Variants in NDUFAF2 observed in about 807,000 individuals in gnomAD.
NDUFAF2 encodes NADH dehydrogenase [ubiquinone] 1 alpha subcomplex assembly factor 2.
Under a neutral mutation model 22.8 loss-of-function variants are expected in NDUFAF2, and 13 were observed. The ratio of observed to expected loss-of-function variants is 0.57; its 90% CI spans 0.37 to 0.91. The LOEUF is 0.91. Ranked by LOEUF, NDUFAF2 falls within the 40% of genes least tolerant of loss-of-function variation. NDUFAF2 has a pLI of 0.01. For synonymous variants in NDUFAF2, 53 were observed against 64.2 expected, an observed-to-expected ratio of 0.83 and a Z score of 0.84; for missense variants, 162 against 195.2, an observed-to-expected ratio of 0.83 and a Z score of 1.01.
intron 1 of NDUFAF2, among the ~76,000 whole-genome samples, chr5:60,946,877 A>G (rs1750467203): frequency 6.6e-6 from 1 of 152,178 alleles, no homozygotes; most frequent in Admixed American, 6.5e-5. Flanking sequence ...TATCATATAA[A>G]TGGAATTATA....
intron 1 of NDUFAF2, among the ~76,000 whole-genome samples, chr5:61,001,555 C>T (rs1440097940): frequency 6.6e-6 from 1 of 152,072 alleles, no homozygotes; most frequent in Non-Finnish European, 1.5e-5. Flanking sequence ...CTTTAAGATA[C>T]TGAATCCTTA....
At chr5:61,136,543 T>C (rs1355246920) in intron 3 of NDUFAF2, among the ~76,000 whole-genome samples, 1 of 152,156 alleles carries the variant, frequency 6.6e-6, no homozygotes, top group Non-Finnish European at 1.5e-5. Context: ...GTTAACTGCC[T>C]CCCGTCTTGA....
intron 1 of NDUFAF2, among the ~76,000 whole-genome samples, chr5:60,965,598 A>G (rs1750749347): frequency 1.3e-5 from 2 of 152,180 alleles, no homozygotes; most frequent in Admixed American, 6.5e-5. Flanking sequence ...GATTCCACAT[A>G]TAAGTGAAAT....
At chr5:61,026,644 A>G (rs958135392) in intron 1 of NDUFAF2, among the ~76,000 whole-genome samples, 2 of 152,074 alleles carry the variant, frequency 1.3e-5, no homozygotes, top group Non-Finnish European at 1.5e-5. Flanking sequence ...TGTTCTTGCA[A>G]GTAACCTACA....
At chr5:61,120,984 A>G (rs1752969404) in intron 3 of NDUFAF2, among the ~76,000 whole-genome samples, 1 of 151,990 alleles carries the variant, frequency 6.6e-6, no homozygotes, top group African/African-American at 2.4e-5. Context: ...CACTTTTATC[A>G]GATAAATTTG....
At chr5:61,001,357 A>G (rs1262427548) in intron 1 of NDUFAF2, among the ~76,000 whole-genome samples, 1 of 152,178 alleles carries the variant, frequency 6.6e-6, no homozygotes, top group Non-Finnish European at 1.5e-5. Context: ...AACGCAATGA[A>G]TAATTTCCCT....
chr5:61,050,131 A>AT lies in NDUFAF2; in HGVS notation c.128-22986dup, dbSNP rs923233553. 2.3e-3 allele frequency among the ~76,000 whole-genome samples: 349 copies of AT among 151,696 alleles called. 2 individuals are homozygous for AT. Among genetic ancestry groups the AT allele is most frequent in the African/African-American group, 8.1e-3 (336 of 41,402 alleles). ...AAAGTGGTAATACTATTATATATAT[A>AT]TTTTTTTTGAGGAACTGCCATAATG... is the stretch of plus-strand genomic sequence containing the variant. On this transcript the variant is annotated intron_variant, in intron 1 of 3. Coordinates refer to ENST00000296597, the MANE Select transcript of NDUFAF2 (RefSeq NM_174889.5).
chr5:61,057,096 C>CTCCAGTGAAGG (rs1160843729), intron 1 of NDUFAF2, among the ~76,000 whole-genome samples: 1 of 151,512 alleles, frequency 6.6e-6, no homozygotes, highest in East Asian at 1.9e-4. Context: ...AAAAATGCCT[C>CTCCAGTGAAGG]TCCAGTGAAG....
chr5:61,045,527 C>A (rs111592263), intron 1 of NDUFAF2, among the ~76,000 whole-genome samples: 1 of 151,366 alleles, frequency 6.6e-6, no homozygotes, highest in African/African-American at 2.4e-5. Context: ...TTTTTAGAGA[C>A]GGGGTCTCGC....
At chr5:61,075,543 G>C (rs1210332971) in intron 2 of NDUFAF2, among the ~76,000 whole-genome samples, 1 of 152,006 alleles carries the variant, frequency 6.6e-6, no homozygotes, top group Admixed American at 6.6e-5. Flanking sequence ...TAATAGTATA[G>C]AATTAAGATG....
chr5:61,062,013 C>T (rs1425042655), intron 1 of NDUFAF2, among the ~76,000 whole-genome samples: 2 of 152,186 alleles, frequency 1.3e-5, no homozygotes, highest in African/African-American at 2.4e-5. Context: ...AGAGCCACCA[C>T]ATTCTGCTTA....
intron 2 of NDUFAF2, among the ~76,000 whole-genome samples, chr5:61,090,540 AAGCT>A (rs1752553864): frequency 6.6e-6 from 1 of 152,092 alleles, no homozygotes; most frequent in South Asian, 2.1e-4. Context: ...GATTTTTCTA[AAGCT>A]AGAATTAACT....
intron 3 of NDUFAF2, among the ~76,000 whole-genome samples, chr5:61,108,482 C>T (rs905040497): frequency 6.6e-6 from 1 of 151,316 alleles, no homozygotes; most frequent in Non-Finnish European, 1.5e-5. Context: ...TGAACAGACA[C>T]TTCTCAAAAG....
chr5:61,104,974 T>G (rs1341010041), intron 3 of NDUFAF2, among the ~76,000 whole-genome samples: 1 of 152,082 alleles, frequency 6.6e-6, no homozygotes, highest in Non-Finnish European at 1.5e-5. Context: ...GCCTTACGAA[T>G]TGTAATAGAA....
chr5:60,971,808 C>T (rs1750835089), intron 1 of NDUFAF2, among the ~76,000 whole-genome samples: 1 of 152,088 alleles, frequency 6.6e-6, no homozygotes. Context: ...TTTTTTATGG[C>T]TGCATAGTAT....
intron 1 of NDUFAF2, among the ~76,000 whole-genome samples, chr5:60,957,169 A>C (rs1561526793): frequency 1.3e-5 from 2 of 152,146 alleles, no homozygotes; most frequent in Admixed American, 6.5e-5. Flanking sequence ...ATTGAATTAA[A>C]ATATAGTAGA....
At chr5:61,117,918 G>T (rs187378785) in intron 3 of NDUFAF2, among the ~76,000 whole-genome samples, 2 of 152,296 alleles carry the variant, frequency 1.3e-5, no homozygotes, top group Non-Finnish European at 2.9e-5. Context: ...GTGGATCCTA[G>T]TTTGTCAATC....
intron 1 of NDUFAF2, among the ~76,000 whole-genome samples, chr5:61,016,808 TCTCAGTTTA>T (rs1158303083): frequency 6.6e-6 from 1 of 152,154 alleles, no homozygotes; most frequent in African/African-American, 2.4e-5. Flanking sequence ...AATAATTGAG[TCTCAGTTTA>T]AAGGATTGGT....
At chr5:61,055,172 T>C (rs1752072650) in intron 1 of NDUFAF2, among the ~76,000 whole-genome samples, 1 of 152,136 alleles carries the variant, frequency 6.6e-6, no homozygotes, top group Non-Finnish European at 1.5e-5. Context: ...CAGAAGACTT[T>C]ATACTTTTAT....
Sources: allele counts gnomAD v4.1 joint callset (sites outside exome capture counted in the v4.1 genomes callset), GRCh38; gene constraint gnomAD v4.1.1; transcripts MANE v1.5; gene names NCBI Gene and HGNC (gene_info 2026-07-23, HGNC 2026-07-21).